Variants in ZFHX3 observed in about 807,000 individuals in gnomAD.
ZFHX3 encodes the protein zinc finger homeobox protein 3.
In ZFHX3, 42 loss-of-function variants were observed where a neutral mutation model predicts 279.1. The ratio of observed to expected loss-of-function variants is 0.15; its 90% CI spans 0.12 to 0.19. The LOEUF is 0.19. Among genes scored for constraint, ZFHX3 ranks in the 10% least tolerant of loss-of-function variants. The pLI is 1.00. For missense variants in ZFHX3, 4,981 were observed against 4,754.0 expected (o/e 1.05, Z -1.40); for synonymous variants, 2,293 against 1,957.8 (o/e 1.17, Z -4.52).
At chr16:73,015,122 C>G (rs1964056220) in intron 1 of ZFHX3, 1 of 144,046 alleles carries the variant, frequency 6.9e-6, no homozygotes, top group Non-Finnish European at 1.5e-5. Context: ...TCTCAACTCA[C>G]TGTACCCTCT....
At chr16:73,555,786 A>G (rs1439308289) in intron 2 of ZFHX3, among the ~76,000 whole-genome samples, 1 of 151,690 alleles carries the variant, frequency 6.6e-6, no homozygotes, top group Non-Finnish European at 1.5e-5. Flanking sequence ...GATCTGAAAT[A>G]GCGCCACTGT....
At chr16:73,015,554 T>G (rs1964072726) in intron 1 of ZFHX3, 1 of 152,230 alleles carries the variant, frequency 6.6e-6, no homozygotes, top group Non-Finnish European at 1.5e-5. Flanking sequence ...ACATCTACAT[T>G]CAAGAAGAAT....
chr16:73,110,310 G>T (rs867310639), intron 7 of ZFHX3, among the ~76,000 whole-genome samples: 4 of 152,088 alleles, frequency 2.6e-5, no homozygotes, highest in Middle Eastern at 6.8e-3. Flanking sequence ...ATTCAAACAG[G>T]TTGTGTCTAT....
chr16:73,179,964 G>A lies in ZFHX3; in HGVS notation c.-1103-36133C>T, dbSNP rs576938827. Among the ~76,000 whole-genome samples, 5 of 152,256 alleles carry A rather than the reference G, an allele frequency of 3.3e-5. No individual in the cohort carries two copies. The East Asian group carries it at 9.7e-4, about 29-fold the overall frequency. ...ATCAAACAGAGCTCGGGCACAATGA[G>A]GGGAAAAAACACACAGCAGGCCCAG... On this transcript the variant is annotated intron_variant, in intron 5 of 17. Coordinates refer to the ZFHX3 transcript ENST00000641206.
intron 1 of ZFHX3, among the ~76,000 whole-genome samples, chr16:73,856,318 CAA>C (rs970834149): frequency 6.6e-6 from 1 of 151,952 alleles, no homozygotes; most frequent in African/African-American, 2.4e-5. Flanking sequence ...AAAAAAGAAA[CAA>C]TAAAAATTTT....
At chr16:72,838,877 C>A (rs1248963756) in intron 4 of ZFHX3, among the ~76,000 whole-genome samples, 1 of 152,106 alleles carries the variant, frequency 6.6e-6, no homozygotes, top group African/African-American at 2.4e-5. Flanking sequence ...CGCGGACTCG[C>A]CTGGTGGCTA....
chr16:73,325,928 A>ACACAAAAACAC (rs1567451240), intron 3 of ZFHX3, among the ~76,000 whole-genome samples: 29 of 145,572 alleles, frequency 2.0e-4, no homozygotes, highest in Non-Finnish European at 3.2e-4. Context: ...CACACACACA[A>ACACAAAAACAC]ACACACACAC....
At chr16:73,518,739 G>A (rs1038464828) in intron 2 of ZFHX3, among the ~76,000 whole-genome samples, 8 of 152,118 alleles carry the variant, frequency 5.3e-5, no homozygotes, top group East Asian at 1.9e-4. Flanking sequence ...ATTATCCTTC[G>A]GCTGCTTTTT....
At chr16:73,053,160 T>A (rs1965480143) in intron 1 of ZFHX3, among the ~76,000 whole-genome samples, 1 of 152,224 alleles carries the variant, frequency 6.6e-6, no homozygotes, top group Admixed American at 6.5e-5. Context: ...CAGATTTTCC[T>A]CTTTCCTTTC....
At chr16:73,361,313 G>A (rs935843071) in intron 3 of ZFHX3, among the ~76,000 whole-genome samples, 4 of 152,218 alleles carry the variant, frequency 2.6e-5, no homozygotes, top group African/African-American at 9.6e-5. Context: ...GGCTTGATAG[G>A]TGCTTGCACT....
rs2038723552 is a variant in ZFHX3 at position 72,889,747 on chromosome 16, G to A, written c.3432C>T (p.Cys1144=). Residue 1144 remains cysteine, a synonymous_variant, in exon 4 of 10, where the codon TGC becomes TGT. Transcript: ENST00000268489. ...ACCACTCACCTGGGTCCGTGGAGGG[G>A]CACCTGCGGATGGTGAAGATCTGCC... ...DLGQIFTIRR[C]PSTDPEEAIE... 1 of 1,612,468 alleles carries A rather than the reference G, an allele frequency of 6.2e-7. No homozygotes were observed. Among genetic ancestry groups the A allele is most frequent in the East Asian group, 2.2e-5 (1 of 44,860 alleles).
At chr16:72,835,089 A>AT (rs2037156673) in intron 4 of ZFHX3, among the ~76,000 whole-genome samples, 1 of 152,184 alleles carries the variant, frequency 6.6e-6, no homozygotes, top group African/African-American at 2.4e-5. Context: ...ATGTTACTTA[A>AT]ATAATACACC....
intron 1 of ZFHX3, among the ~76,000 whole-genome samples, chr16:72,999,781 A>C (rs1178038133): frequency 6.6e-6 from 1 of 152,138 alleles, no homozygotes; most frequent in African/African-American, 2.4e-5. Context: ...TGAATCAGTC[A>C]ATTTTCTTCA....
chr16:73,076,893 GCA>G (rs57770164), intron 8 of ZFHX3, among the ~76,000 whole-genome samples: 6 of 149,900 alleles, frequency 4.0e-5, no homozygotes, highest in Admixed American at 1.3e-4. Context: ...ATATGTATAC[GCA>G]CACACACACA....
chr16:73,207,693 C>A (rs955236151), intron 5 of ZFHX3, among the ~76,000 whole-genome samples: 3 of 152,022 alleles, frequency 2.0e-5, no homozygotes, highest in South Asian at 4.2e-4. Flanking sequence ...CAGAATCATG[C>A]AAATTAAAAT....
At chr16:73,165,249 C>T (rs1477376612) in intron 5 of ZFHX3, among the ~76,000 whole-genome samples, 3 of 152,196 alleles carry the variant, frequency 2.0e-5, no homozygotes, top group Non-Finnish European at 2.9e-5. Context: ...AACACGCCGG[C>T]AGCTGGGAGG....
intron 1 of ZFHX3, among the ~76,000 whole-genome samples, chr16:73,757,737 G>A (rs375713160): frequency 6.6e-6 from 1 of 152,288 alleles, no homozygotes; most frequent in East Asian, 1.9e-4. Flanking sequence ...GTTCCCTGCA[G>A]GAAGCAGCAT....
chr16:72,907,959 C>T (rs1283322302), intron 3 of ZFHX3, among the ~76,000 whole-genome samples: 1 of 152,096 alleles, frequency 6.6e-6, no homozygotes, highest in Non-Finnish European at 1.5e-5. Flanking sequence ...GCTGGGATTA[C>T]AGCATTAGCC....
chr16:73,721,214 C>T (rs1002111425), intron 1 of ZFHX3, among the ~76,000 whole-genome samples: 1 of 152,152 alleles, frequency 6.6e-6, no homozygotes, highest in African/African-American at 2.4e-5. Context: ...TTCCGCCTCC[C>T]GGGTTCAAGC....
Sources: allele counts gnomAD v4.1 joint callset (sites outside exome capture counted in the v4.1 genomes callset), GRCh38; gene constraint gnomAD v4.1.1; transcripts MANE v1.5; gene names NCBI Gene and HGNC (gene_info 2026-07-23, HGNC 2026-07-21).